Variants in TAS2R1 observed in about 807,000 individuals in gnomAD.
TAS2R1 encodes taste receptor type 2 member 1.
For missense variants in TAS2R1, 370 were observed against 353.4 expected, an observed-to-expected ratio of 1.05 and a Z score of -0.38; for synonymous variants, 141 against 134.2, an observed-to-expected ratio of 1.05 and a Z score of -0.35.
intron 2 of TAS2R1, among the ~76,000 whole-genome samples, chr5:9,646,059 A>G (rs1413608100): frequency 2.0e-5 from 3 of 152,194 alleles, no homozygotes; most frequent in Non-Finnish European, 4.4e-5. Context: ...CAGACAAATT[A>G]TCTGCCTAAA....
intron 1 of TAS2R1, among the ~76,000 whole-genome samples, chr5:9,662,989 A>C (rs972496663): frequency 6.6e-6 from 1 of 151,636 alleles, no homozygotes; most frequent in Non-Finnish European, 1.5e-5. Flanking sequence ...TGTGGTAGTT[A>C]GGGCTGTTCT....
the TAS2R1 span, among the ~76,000 whole-genome samples, chr5:9,877,850 C>T: frequency 1.3e-5 from 2 of 152,062 alleles, no homozygotes; most frequent in South Asian, 2.1e-4. Flanking sequence ...TTTTTGAAGG[C>T]ATCTCCTTTC....
chr5:9,819,912 C>T, the TAS2R1 span, among the ~76,000 whole-genome samples: 1 of 152,058 alleles, frequency 6.6e-6, no homozygotes, highest in Admixed American at 6.6e-5. Context: ...AAGCGTACTG[C>T]ACAAGACAGA....
the TAS2R1 span, among the ~76,000 whole-genome samples, chr5:9,805,753 A>G: frequency 6.6e-6 from 1 of 152,184 alleles, no homozygotes; most frequent in Non-Finnish European, 1.5e-5. Flanking sequence ...ACCTTAAGGT[A>G]ATAAAAGCCA....
intron 1 of TAS2R1, among the ~76,000 whole-genome samples, chr5:9,680,620 A>T (rs2126509906): frequency 6.6e-6 from 1 of 152,312 alleles, no homozygotes; most frequent in African/African-American, 2.4e-5. Context: ...GAAAAAAATC[A>T]TCAAAAAATT....
At chr5:9,876,138 G>A in the TAS2R1 span, among the ~76,000 whole-genome samples, 2 of 151,598 alleles carry the variant, frequency 1.3e-5, no homozygotes, top group African/African-American at 2.4e-5. Context: ...AGCAGAAACA[G>A]CTCCAGAAGG....
At chr5:9,867,075 T>C in the TAS2R1 span, 1 of 152,238 alleles carries the variant, frequency 6.6e-6, no homozygotes, top group African/African-American at 2.4e-5. Flanking sequence ...TTACAGGGAA[T>C]TCCAGAAAAG....
the TAS2R1 span, among the ~76,000 whole-genome samples, chr5:9,725,856 C>A: frequency 6.6e-6 from 1 of 152,242 alleles, no homozygotes; most frequent in Non-Finnish European, 1.5e-5. Flanking sequence ...CACCAATCAG[C>A]AGCCTGTGTC....
intron 1 of TAS2R1, among the ~76,000 whole-genome samples, chr5:9,707,218 G>C (rs545509155): frequency 6.6e-6 from 1 of 152,274 alleles, no homozygotes; most frequent in Admixed American, 6.5e-5. Context: ...TGGTGGAGCT[G>C]GGAGAAGAAT....
chr5:9,803,431 A>C, the TAS2R1 span, among the ~76,000 whole-genome samples: 1 of 152,214 alleles, frequency 6.6e-6, no homozygotes, highest in Non-Finnish European at 1.5e-5. Context: ...TCACCTAGGC[A>C]CATAGTCATC....
chr5:9,668,043 T>TA (rs1169722105), intron 1 of TAS2R1, among the ~76,000 whole-genome samples: 1 of 151,816 alleles, frequency 6.6e-6, no homozygotes, highest in African/African-American at 2.4e-5. Flanking sequence ...ATGCAGGAGA[T>TA]AAAAAACAAA....
intron 1 of TAS2R1, among the ~76,000 whole-genome samples, chr5:9,670,101 C>G (rs1284303325): frequency 6.6e-6 from 1 of 151,716 alleles, no homozygotes; most frequent in Non-Finnish European, 1.5e-5. Context: ...ACAAAAAAAC[C>G]CTCAGAGACT....
the TAS2R1 span, among the ~76,000 whole-genome samples, chr5:9,724,344 C>CT: frequency 0.075 from 9,401 of 124,616 alleles, 403 homozygotes; most frequent in African/African-American, 0.14. Flanking sequence ...ATGTTTCTTT[C>CT]TTTTTTTTTT....
rs142547436 is a variant in TAS2R1, at chr5:9,650,255, T to C, written c.-81+9166A>G. Among the ~76,000 whole-genome samples, 1,049 of 152,050 alleles carry C rather than the reference T, an allele frequency of 6.9e-3. 18 individuals carry two copies. The highest frequency in any genetic ancestry group is 0.024 in the African/African-American group (1,012 of 41,542). The stretch of plus-strand genomic sequence containing the variant: ...TTGCTGGATTTGTTTGTGGTTGCCT[T>C]TGCCAAAGGAAACTTTTTTCAAAAT... On this transcript the variant is annotated intron_variant, in intron 2 of 2. Transcript: ENST00000506620.
chr5:9,647,725 G>A (rs1000147230), intron 2 of TAS2R1, among the ~76,000 whole-genome samples: 1 of 152,166 alleles, frequency 6.6e-6, no homozygotes, highest in East Asian at 1.9e-4. Flanking sequence ...ACAGATAGAC[G>A]CCATGATAAT....
chr5:9,694,498 A>C (rs1487203148), intron 1 of TAS2R1, among the ~76,000 whole-genome samples: 2 of 152,218 alleles, frequency 1.3e-5, no homozygotes, highest in African/African-American at 4.8e-5. Flanking sequence ...TTTGGGCTTC[A>C]ATCATTTTAA....
the TAS2R1 span, among the ~76,000 whole-genome samples, chr5:9,766,587 C>T: frequency 6.6e-5 from 10 of 152,324 alleles, no homozygotes; most frequent in Admixed American, 2.6e-4. Flanking sequence ...GCAATGATCA[C>T]GGATCAGTAT....
chr5:9,817,581 G>T, the TAS2R1 span, among the ~76,000 whole-genome samples: 1 of 152,104 alleles, frequency 6.6e-6, no homozygotes, highest in Admixed American at 6.5e-5. Context: ...ATACCCTAAA[G>T]ATCATTAAAC....
chr5:9,655,249 T>C (rs1354479102), intron 2 of TAS2R1, among the ~76,000 whole-genome samples: 2 of 152,334 alleles, frequency 1.3e-5, no homozygotes, highest in Non-Finnish European at 1.5e-5. Flanking sequence ...ATGAGGCATG[T>C]ATTTTCCAAA....
Sources: allele counts gnomAD v4.1 joint callset (sites outside exome capture counted in the v4.1 genomes callset), GRCh38; gene constraint gnomAD v4.1.1; transcripts MANE v1.5; gene names NCBI Gene and HGNC (gene_info 2026-07-23, HGNC 2026-07-21).